RNF128: variants seen among roughly 807,000 people sequenced by gnomAD.
RNF128 encodes the protein ring finger protein 128.
RNF128 carries 13 observed loss-of-function variants against 26.2 expected under a neutral mutation model. The observed-to-expected ratio is 0.50, with a 90% CI of 0.32 to 0.79. The LOEUF (loss-of-function observed/expected upper bound fraction) is 0.79, where lower values mean the gene tolerates loss of function less well. RNF128 is among the 30% of genes least tolerant of loss of function. The probability of loss-of-function intolerance (pLI) is 0.03; values close to 1 mark genes in which losing one functional copy is unlikely to be tolerated. For synonymous variants in RNF128, 149 were observed against 142.5 expected (o/e 1.05, Z -0.32); for missense variants, 315 against 349.7 (o/e 0.90, Z 0.79).
chrX:106,787,799 T>A (rs1218552785), intron 3 of RNF128, 119 bp from the exon 4 acceptor site: 2 of 439,273 alleles, frequency 4.6e-6, no homozygotes, highest in Non-Finnish European at 7.7e-6. Flanking sequence ...TTCAGTGATA[T>A]AATGCTCCTC....
intron 1 of RNF128, among the ~76,000 whole-genome samples, chrX:106,756,606 A>C (rs1404270201): frequency 9.1e-6 from 1 of 109,732 alleles, no homozygotes; most frequent in Non-Finnish European, 1.9e-5. Context: ...TTAAAGATTT[A>C]AACGTTAGAC....
intron 1 of RNF128, among the ~76,000 whole-genome samples, chrX:106,766,568 T>A (rs1180368446): frequency 4.5e-5 from 5 of 112,248 alleles, no homozygotes; most frequent in African/African-American, 1.3e-4. Flanking sequence ...GTTGTTTGAT[T>A]TTTTCTTGTA....
chrX:106,741,228 G>A (rs900794302), intron 1 of RNF128, among the ~76,000 whole-genome samples: 1 of 111,650 alleles, frequency 9.0e-6, no homozygotes, highest in Admixed American at 9.6e-5. Context: ...AGTATCAGCA[G>A]AAATTTAAGG....
At position 106,773,095 on chromosome X, in the gene RNF128, G is replaced by T; in HGVS notation, c.667G>T (p.Val223Leu). 8.3e-7 allele frequency: 1 copy of T among 1,210,470 alleles called. No homozygotes were observed. The highest frequency in any genetic ancestry group is 1.1e-6 in the Non-Finnish European group (1 of 894,907). Residue 223 changes from valine to leucine, a missense_variant, in exon 2 of 7, where the codon GTG (valine) becomes TTG (leucine). Physicochemically the swap from Val to Leu is conservative, Grantham distance 32 (BLOSUM62 1). Coordinates refer to ENST00000255499, the MANE Select transcript of RNF128 (RefSeq NM_194463.2). ...CTTTTTTATTATTACGGCGGCAACT[G>T]TGGGCTATTTTATCTTTTATTCTGC... ...VSFFIITAAT[V>L]GYFIFYSARR...
At chrX:106,728,681 G>T (rs1481851399) in intron 1 of RNF128, among the ~76,000 whole-genome samples, 4 of 111,401 alleles carry the variant, frequency 3.6e-5, no homozygotes, top group Non-Finnish European at 7.5e-5. Flanking sequence ...ACACTGAATT[G>T]GAACTCAGGA....
intron 1 of RNF128, among the ~76,000 whole-genome samples, chrX:106,769,950 G>A (rs200927986): frequency 5.6e-5 from 6 of 107,729 alleles, no homozygotes; most frequent in African/African-American, 6.7e-5. Context: ...GCCTGGTGGT[G>A]ACAAAATCTC....
At chrX:106,700,595 T>C (rs1304789185) in intron 1 of RNF128, among the ~76,000 whole-genome samples, 2 of 112,124 alleles carry the variant, frequency 1.8e-5, no homozygotes, top group Non-Finnish European at 3.8e-5. Flanking sequence ...ATACAAGTAA[T>C]AAATGAGTAG....
At chrX:106,707,882 A>G (rs933242711) in intron 1 of RNF128, among the ~76,000 whole-genome samples, 1 of 111,746 alleles carries the variant, frequency 8.9e-6, no homozygotes, top group African/African-American at 3.3e-5. Flanking sequence ...CCTGAGTGTA[A>G]AACAGCAGAT....
chrX:106,773,938 T>A (rs780658001), intron 2 of RNF128, among the ~76,000 whole-genome samples: 1 of 111,342 alleles, frequency 9.0e-6, no homozygotes. Context: ...GTGGCCCTTC[T>A]TTCTCTTTGT....
chrX:106,712,102 T>C (rs1272112412), intron 1 of RNF128, among the ~76,000 whole-genome samples: 2 of 112,522 alleles, frequency 1.8e-5, no homozygotes, highest in Non-Finnish European at 3.8e-5. Flanking sequence ...AGGCTAACTT[T>C]CTTTGATCAC....
intron 1 of RNF128, among the ~76,000 whole-genome samples, chrX:106,758,055 A>G (rs1442002740): frequency 8.9e-6 from 1 of 112,509 alleles, no homozygotes; most frequent in Non-Finnish European, 1.9e-5. Context: ...CCCCACAACA[A>G]ACTATTAGAA....
intron 1 of RNF128, among the ~76,000 whole-genome samples, chrX:106,770,829 G>A (rs772205303): frequency 3.6e-5 from 4 of 111,949 alleles, no homozygotes; most frequent in South Asian, 7.5e-4. Context: ...GAGAAGAGGC[G>A]CTCTGATTTT....
Position 106,750,771 on chromosome X carries a change from G to A in RNF128, c.485-22142G>A, listed in dbSNP as rs756856646. ...AAGAGAGAGAGGAGAGATGCTGCTA[G>A]AAGCAACAACTGAAGTGAGAACCTT... On this transcript the variant is annotated intron_variant, in intron 1 of 6. Coordinates refer to ENST00000255499, the MANE Select transcript of RNF128 (RefSeq NM_194463.2). 2.7e-5 allele frequency among the ~76,000 whole-genome samples: 3 copies of A among 111,629 alleles called. No homozygotes were observed. The South Asian group carries it at 1.1e-3, about 42-fold the overall frequency.
At chrX:106,693,859 G>T in exon 1 of RNF128, 2 of 475,728 alleles carry the variant, frequency 4.2e-6, no homozygotes, top group Non-Finnish European at 7.2e-6. Context: ...GTATCCAGAG[G>T]TTATGTTGCT....
chrX:106,754,448 A>T (rs1446479280), intron 1 of RNF128, among the ~76,000 whole-genome samples: 4 of 62,179 alleles, frequency 6.4e-5, no homozygotes, highest in Non-Finnish European at 9.9e-5. Context: ...TTTTGTAGCG[A>T]CAGGGTCTCA....
intron 1 of RNF128, among the ~76,000 whole-genome samples, chrX:106,699,576 C>A (rs2147656723): frequency 8.9e-6 from 1 of 112,323 alleles, no homozygotes; most frequent in East Asian, 2.8e-4. Context: ...ATATTCTCTA[C>A]ACAGAAGCCA....
At chrX:106,772,852 A>G (rs1569443613) in intron 1 of RNF128, 61 bp from the exon 2 acceptor site, 14 of 1,100,338 alleles carry the variant, frequency 1.3e-5, no homozygotes, top group Non-Finnish European at 1.7e-5. Flanking sequence ...CATTTTAGCA[A>G]TTGGGTTATT....
intron 4 of RNF128, among the ~76,000 whole-genome samples, chrX:106,788,350 T>TTA (rs1556336938): frequency 8.3e-5 from 4 of 48,431 alleles, no homozygotes; most frequent in African/African-American, 3.6e-4. Flanking sequence ...ATAATATATA[T>TTA]TATATACTAT....
intron 1 of RNF128, among the ~76,000 whole-genome samples, chrX:106,752,921 G>A (rs907425086): frequency 9.9e-5 from 11 of 110,929 alleles, no homozygotes; most frequent in Admixed American, 4.8e-4. Flanking sequence ...TTGATATACC[G>A]AAGAATGCAT....
Sources: allele counts gnomAD v4.1 joint callset (sites outside exome capture counted in the v4.1 genomes callset), GRCh38; gene constraint gnomAD v4.1.1; transcripts MANE v1.5; gene names NCBI Gene and HGNC (gene_info 2026-07-23, HGNC 2026-07-21).